DGKI: variants seen among roughly 807,000 people sequenced by gnomAD.
DGKI encodes DAG kinase iota.
A neutral mutation model predicts 147.5 loss-of-function variants in DGKI; 55 were observed. That is an observed-to-expected ratio of 0.37 (90% CI 0.30 to 0.47). The LOEUF is 0.47. Ranked by LOEUF, DGKI falls within the 20% of genes least tolerant of loss-of-function variation. The pLI is 1.00. For synonymous variants in DGKI, 469 were observed against 477.1 expected, an observed-to-expected ratio of 0.98 and a Z score of 0.22; for missense variants, 1,007 against 1,323.8, an observed-to-expected ratio of 0.76 and a Z score of 3.71.
At chr7:137,538,039 T>C (rs1269277209) in intron 20 of DGKI, among the ~76,000 whole-genome samples, 1 of 152,142 alleles carries the variant, frequency 6.6e-6, no homozygotes, top group Non-Finnish European at 1.5e-5. Context: ...CTCAAGTAAA[T>C]GTTAGAACAA....
intron 28 of DGKI, among the ~76,000 whole-genome samples, chr7:137,438,316 A>G (rs763496449): frequency 1.3e-5 from 2 of 152,068 alleles, no homozygotes; most frequent in African/African-American, 4.8e-5. Flanking sequence ...GCCCATAAGT[A>G]TATGAAAAGA....
At chr7:137,444,151 T>A in intron 27 of DGKI, 49 bp from the exon 28 acceptor site, 1 of 1,113,324 alleles carries the variant, frequency 9.0e-7, no homozygotes, top group Non-Finnish European at 1.3e-6. Context: ...ATAATTATAA[T>A]GATAATCAAG....
At chr7:137,412,399 C>T (rs527972492) in intron 28 of DGKI, among the ~76,000 whole-genome samples, 192 bp from the exon 29 acceptor site, 21 of 152,270 alleles carry the variant, frequency 1.4e-4, no homozygotes, top group African/African-American at 5.1e-4. Flanking sequence ...TCCACGCACC[C>T]TTCTAGGGCC....
intron 10 of DGKI, among the ~76,000 whole-genome samples, chr7:137,604,052 G>A (rs1452251112): frequency 6.6e-6 from 1 of 152,154 alleles, no homozygotes; most frequent in Non-Finnish European, 1.5e-5. Flanking sequence ...ACCTATCACA[G>A]GAGCTAGTTT....
At chr7:137,458,207 C>T (rs1814279372) in intron 27 of DGKI, among the ~76,000 whole-genome samples, 1 of 152,174 alleles carries the variant, frequency 6.6e-6, no homozygotes, top group African/African-American at 2.4e-5. Context: ...TCAGACCTCA[C>T]ACATTATAGT....
chr7:137,572,272 G>A (rs995148548), intron 18 of DGKI, among the ~76,000 whole-genome samples: 10 of 152,110 alleles, frequency 6.6e-5, no homozygotes, highest in Non-Finnish European at 1.3e-4. Flanking sequence ...CCTGAAGTGC[G>A]TAATAGCACC....
At chr7:137,815,762 C>G (rs1228730396) in intron 1 of DGKI, among the ~76,000 whole-genome samples, 1 of 152,058 alleles carries the variant, frequency 6.6e-6, no homozygotes. Flanking sequence ...GTAGGTAGAA[C>G]AGAGAGAGAA....
chr7:137,437,368 G>T (rs1390115660), intron 28 of DGKI, among the ~76,000 whole-genome samples: 3 of 151,998 alleles, frequency 2.0e-5, no homozygotes, highest in African/African-American at 7.2e-5. Flanking sequence ...AGACTACTTA[G>T]AAAACATAAT....
chr7:137,590,392 C>T (rs1819566823), intron 12 of DGKI, among the ~76,000 whole-genome samples: 1 of 152,202 alleles, frequency 6.6e-6, no homozygotes, highest in African/African-American at 2.4e-5. Flanking sequence ...CCTGCCATCT[C>T]CCCAGGGTGG....
chr7:137,481,730 GCTCA>G (rs1815379703), intron 23 of DGKI, among the ~76,000 whole-genome samples: 1 of 152,020 alleles, frequency 6.6e-6, no homozygotes, highest in Non-Finnish European at 1.5e-5. Context: ...CTGCCACATG[GCTCA>G]CTAATAAGGT....
intron 30 of DGKI, among the ~76,000 whole-genome samples, chr7:137,406,491 C>T (rs569912285): frequency 7.9e-5 from 12 of 152,180 alleles, no homozygotes; most frequent in African/African-American, 2.6e-4. Flanking sequence ...TTTTCATGGT[C>T]TTTCCTTTTT....
At chr7:137,490,018 T>A (rs1815706321) in intron 21 of DGKI, among the ~76,000 whole-genome samples, 1 of 152,166 alleles carries the variant, frequency 6.6e-6, no homozygotes, top group South Asian at 2.1e-4. Flanking sequence ...AATATGGGTA[T>A]AAAATCAACA....
chr7:137,656,387 G>A, intron 4 of DGKI, 79 bp downstream of exon 4: 2 of 1,478,050 alleles, frequency 1.4e-6, no homozygotes, highest in Non-Finnish European at 9.4e-7. Context: ...CAAAAAGTTG[G>A]AACTGGAAAT....
At chr7:137,614,807 ATAC>A (rs1191963145) in intron 8 of DGKI, among the ~76,000 whole-genome samples, 1 of 152,094 alleles carries the variant, frequency 6.6e-6, no homozygotes, top group Non-Finnish European at 1.5e-5. Context: ...CCTGACCATG[ATAC>A]CCTCAAATAG....
chr7:137,671,909 A>G (rs751832071), intron 3 of DGKI, among the ~76,000 whole-genome samples: 7 of 152,246 alleles, frequency 4.6e-5, no homozygotes, highest in Non-Finnish European at 1.0e-4. Flanking sequence ...CAATAACAAA[A>G]GCAAAGCAGT....
chr7:137,648,640 A>G (rs1821915735), intron 5 of DGKI, among the ~76,000 whole-genome samples: 1 of 152,174 alleles, frequency 6.6e-6, no homozygotes, highest in Non-Finnish European at 1.5e-5. Context: ...ATGGCACAAG[A>G]TTTCGTCGTG....
At chr7:137,658,616 T>C (rs1822307803) in intron 3 of DGKI, among the ~76,000 whole-genome samples, 1 of 152,192 alleles carries the variant, frequency 6.6e-6, no homozygotes, top group Non-Finnish European at 1.5e-5. Context: ...CGCTCTGCAT[T>C]AAGTTCTATG....
At chr7:137,403,693 T>C (rs1426648263) in intron 30 of DGKI, among the ~76,000 whole-genome samples, 7 of 152,222 alleles carry the variant, frequency 4.6e-5, no homozygotes, top group Non-Finnish European at 1.0e-4. Flanking sequence ...TTGAACAATT[T>C]TTCAGATTTA....
chr7:137,503,444 C>T lies in DGKI; in HGVS notation c.2249-15755G>A, dbSNP rs533214375. 3.9e-5 allele frequency among the ~76,000 whole-genome samples: 6 copies of T among 152,250 alleles called. No individual in the cohort carries two copies. The South Asian group carries it at 1.0e-3, about 26-fold the overall frequency. On this transcript the variant is annotated intron_variant, in intron 21 of 32. Coordinates refer to ENST00000614521, the MANE Select transcript of DGKI (RefSeq NM_001321708.2). ...CAAACCAAACATAAAACAAAACCCA[C>T]GTTCTCACTTGAGGTGTGAAAAGTT...
Sources: gnomAD v4.1 joint callset for allele counts (sites outside exome capture counted in the v4.1 genomes callset) on GRCh38, gnomAD v4.1.1 for gene constraint, MANE v1.5 for transcripts, NCBI Gene and HGNC (gene_info 2026-07-23, HGNC 2026-07-21) for gene names.